FBN2: variants seen among roughly 807,000 people sequenced by gnomAD.
The protein encoded by FBN2 is fibrillin 2, also known as fibrillin-2.
In FBN2, 105 loss-of-function variants were observed where a neutral mutation model predicts 355.6. The observed-to-expected ratio is 0.30, with a 90% confidence interval of 0.25 to 0.35. The LOEUF (loss-of-function observed/expected upper bound fraction) is 0.35, where lower values mean the gene tolerates loss of function less well. Among genes scored for constraint, FBN2 ranks in the 10% least tolerant of loss-of-function variants. FBN2 has a pLI of 1.00. For missense variants in FBN2, 3,280 were observed against 3,758.7 expected (o/e 0.87, Z 3.33); for synonymous variants, 1,350 against 1,301.2 (o/e 1.04, Z -0.81).
At chr5:128,519,505 T>C (rs1190214051) in intron 4 of FBN2, 137 bp from the exon 5 acceptor site, 4 of 720,128 alleles carry the variant, frequency 5.6e-6, no homozygotes, top group Non-Finnish European at 1.0e-5. Context: ...CTTGTATAAA[T>C]TACACAGGTT....
In FBN2 at chr5:128,417,053, T is replaced by C. The variant is rs181705597; in HGVS notation, c.953-8254A>G. On this transcript the variant is annotated intron_variant, in intron 7 of 64. Coordinates refer to ENST00000262464, the MANE Select transcript of FBN2 (RefSeq NM_001999.4). ...CGTAAGTGTTTTGCAGTTTTCCTTA[T>C]GGAAGAATTCACTTCCTTAGTTAAA... 6.4e-3 allele frequency among the ~76,000 whole-genome samples: 976 copies of C among 152,314 alleles called. 12 individuals are homozygous for C. The highest frequency in any genetic ancestry group is 0.022 in the African/African-American group (909 of 41,570).
In FBN2 at chr5:128,277,894, C is replaced by G; in HGVS notation, c.7457G>C (p.Gly2486Ala). ...CCCATCGTTACCTATACAAGAGGTT[C>G]CACTGATGTCTGTGGTGTAGCCAAC... ...CKVGYTTDIS[G>A]TSCIDLDECS... The change falls in exon 58 of 65, where the codon GGA becomes GCA. Residue 2486 changes from glycine (G) to alanine (A), a missense_variant. Coordinates refer to ENST00000262464, the MANE Select transcript of FBN2 (RefSeq NM_001999.4). The G allele has an allele frequency of 6.2e-7, 1 of 1,614,140 alleles. No individual in the cohort carries two copies. Among genetic ancestry groups the G allele is most frequent in the Non-Finnish European group, 8.5e-7 (1 of 1,180,004 alleles).
intron 11 of FBN2, among the ~76,000 whole-genome samples, chr5:128,388,833 A>G (rs1752437050): frequency 6.6e-6 from 1 of 152,112 alleles, no homozygotes; most frequent in Non-Finnish European, 1.5e-5. Context: ...GTCATCTTGT[A>G]CAGTATTTCA....
chr5:128,415,063 A>T (rs536021090), intron 7 of FBN2, among the ~76,000 whole-genome samples: 52 of 152,256 alleles, frequency 3.4e-4, no homozygotes, highest in Non-Finnish European at 6.0e-4. Flanking sequence ...TAAACTTTTT[A>T]AAAAAGTTTT....
chr5:128,422,106 C>T (rs1396833579), intron 7 of FBN2, among the ~76,000 whole-genome samples: 2 of 152,148 alleles, frequency 1.3e-5, no homozygotes, highest in African/African-American at 4.8e-5. Context: ...GGACTGTACC[C>T]TAGACACTTC....
intron 11 of FBN2, among the ~76,000 whole-genome samples, chr5:128,380,864 A>G (rs1315921302): frequency 6.6e-6 from 1 of 152,014 alleles, no homozygotes; most frequent in Non-Finnish European, 1.5e-5. Flanking sequence ...CTTAAATACT[A>G]CGTTCTGTAC....
chr5:128,269,783 T>A (rs570233647), intron 62 of FBN2, among the ~76,000 whole-genome samples: 1 of 152,232 alleles, frequency 6.6e-6, no homozygotes, highest in South Asian at 2.1e-4. Context: ...GAATCAACAT[T>A]GTGAAAATGG....
intron 36 of FBN2, among the ~76,000 whole-genome samples, chr5:128,317,163 C>A (rs979328753): frequency 1.4e-4 from 21 of 152,070 alleles, no homozygotes; most frequent in Non-Finnish European, 4.4e-5. Context: ...GCTGTGACTC[C>A]CCCATCCCTA....
Position 128,276,099 on chromosome 5 carries a change from C to A in FBN2, c.7533G>T (p.Gly2511=), listed in dbSNP as rs1060503502. Residue 2511 remains glycine (G), a synonymous_variant, in exon 59 of 65, where the codon GGG becomes GGT. Transcript: ENST00000262464. ...PCNYICKNTE[G]SYQCSCPRGY... ...CCCTCGGACATGAACACTGATAACT[C>A]CCCTCAGTGTTCTTGCAGATGTAGT... The A allele has an allele frequency of 2.0e-5, 32 of 1,612,482 alleles. No individual in the cohort carries two copies. Among genetic ancestry groups the A allele is most frequent in the Non-Finnish European group, 2.7e-5 (32 of 1,178,520 alleles).
chr5:128,335,490 C>G lies in FBN2; in HGVS notation c.3812G>C (p.Gly1271Ala), dbSNP rs1206523915. 2 of 1,614,208 alleles carry G rather than the reference C, an allele frequency of 1.2e-6. No individual in the cohort carries two copies. The highest frequency in any genetic ancestry group is 1.7e-6 in the Non-Finnish European group (2 of 1,180,026). Residue 1271 changes from glycine (G) to alanine (A), a missense_variant, in exon 29 of 65, where the codon GGT becomes GCT. By Grantham distance (60) the Gly-to-Ala change is moderately conservative. Coordinates refer to ENST00000262464, the MANE Select transcript of FBN2 (RefSeq NM_001999.4). ...EGSYECSCSE[G>A]YALMPDGRSC... is the part of the protein sequence containing the mutation. ...TCTCCCATCTGGCATCAGGGCATAA[C>G]CCTCACTGCAGCTGCATTCGTAGCT...
chr5:128,493,619 T>C (rs1755570186), intron 5 of FBN2, among the ~76,000 whole-genome samples: 1 of 152,086 alleles, frequency 6.6e-6, no homozygotes, highest in African/African-American at 2.4e-5. Context: ...TAACAGGAAA[T>C]CCATGAAAAT....
At chr5:128,421,626 C>G (rs965423029) in intron 7 of FBN2, among the ~76,000 whole-genome samples, 3 of 151,844 alleles carry the variant, frequency 2.0e-5, no homozygotes, top group African/African-American at 7.3e-5. Context: ...TGGATAAAAT[C>G]AGTTGAGATG....
At chr5:128,481,938 C>A (rs1755202897) in intron 5 of FBN2, among the ~76,000 whole-genome samples, 1 of 152,070 alleles carries the variant, frequency 6.6e-6, no homozygotes, top group Admixed American at 6.6e-5. Context: ...CAGAAAATAG[C>A]AAATCTTATA....
chr5:128,329,865 G>A (rs996093090), intron 33 of FBN2, among the ~76,000 whole-genome samples: 6 of 152,090 alleles, frequency 3.9e-5, no homozygotes, highest in East Asian at 3.8e-4. Context: ...TCAACTTTAC[G>A]TCCAGCAAGA....
chr5:128,306,186 A>T (rs1749870410), intron 42 of FBN2, among the ~76,000 whole-genome samples: 1 of 152,248 alleles, frequency 6.6e-6, no homozygotes, highest in Non-Finnish European at 1.5e-5. Flanking sequence ...TTTCAGAGTC[A>T]ATATAGCAAA....
intron 39 of FBN2, 34 bp downstream of exon 39, chr5:128,311,266 G>A: frequency 6.2e-7 from 1 of 1,612,966 alleles, no homozygotes; most frequent in Non-Finnish European, 8.5e-7. Context: ...GTTTTAAACA[G>A]CACTGAGCAT....
rs746265117 is a variant in FBN2, at chr5:128,273,961, G to A, written c.7719C>T (p.Asn2573=). Residue 2573 remains asparagine (N), a synonymous_variant, in exon 61 of 65, where the codon AAC becomes AAT. Transcript: ENST00000262464. ...TQHHTACIDN[N]ECGSQPSLCG... ...AAAGCGAAGGTTGAGACCCACATTC[G>A]TTGTTGTCTGGCAAAGCATCAAGAA... 4.0e-5 allele frequency: 64 copies of A among 1,613,734 alleles called. No individual in the cohort carries two copies. Among genetic ancestry groups the A allele is most frequent in the Admixed American group, 1.2e-4 (7 of 59,972 alleles).
chr5:128,410,793 T>C (rs1366570188), intron 7 of FBN2, among the ~76,000 whole-genome samples: 6 of 152,218 alleles, frequency 3.9e-5, no homozygotes, highest in South Asian at 2.1e-4. Flanking sequence ...AAAACCTATG[T>C]GTTTCACAAT....
intron 1 of FBN2, among the ~76,000 whole-genome samples, chr5:128,536,730 G>A (rs940026830): frequency 6.6e-6 from 1 of 152,150 alleles, no homozygotes; most frequent in East Asian, 1.9e-4. Context: ...CCTTTTTAAA[G>A]GGCGAAAAGA....
Sources: allele counts gnomAD v4.1 joint callset (sites outside exome capture counted in the v4.1 genomes callset), GRCh38; gene constraint gnomAD v4.1.1; transcripts MANE v1.5; gene names NCBI Gene and HGNC (gene_info 2026-07-23, HGNC 2026-07-21).